The following MTUS2 variants were observed in gnomAD, a reference collection of about 807,000 sequenced individuals.
MTUS2 encodes microtubule associated scaffold protein 2.
MTUS2 carries 40 observed loss-of-function variants against 114.1 expected under a neutral mutation model. That is an observed-to-expected ratio of 0.35 (90% CI 0.27 to 0.46). The LOEUF (loss-of-function observed/expected upper bound fraction) is 0.46, where lower values mean the gene tolerates loss of function less well. MTUS2 is among the 20% of genes least tolerant of loss of function. The probability of loss-of-function intolerance (pLI) is 1.00; values close to 1 mark genes in which losing one functional copy is unlikely to be tolerated. For missense variants in MTUS2, 1,679 were observed against 1,705.4 expected, an observed-to-expected ratio of 0.98 and a Z score of 0.27; for synonymous variants, 688 against 672.0, an observed-to-expected ratio of 1.02 and a Z score of -0.37.
intron 2 of MTUS2, among the ~76,000 whole-genome samples, chr13:28,957,530 G>A (rs1447900248): frequency 6.6e-6 from 1 of 152,116 alleles, no homozygotes; most frequent in African/African-American, 2.4e-5. Context: ...AAATAATACA[G>A]AATAACAACT....
intron 9 of MTUS2, among the ~76,000 whole-genome samples, chr13:29,448,836 C>T (rs1388855943): frequency 1.3e-5 from 2 of 149,952 alleles, no homozygotes; most frequent in African/African-American, 4.9e-5. Context: ...TCACTGCCAC[C>T]TCCGTCTCCC....
At chr13:29,247,468 C>A (rs1896967159) in intron 5 of MTUS2, among the ~76,000 whole-genome samples, 1 of 152,170 alleles carries the variant, frequency 6.6e-6, no homozygotes, top group African/African-American at 2.4e-5. Flanking sequence ...AGTAAACAGA[C>A]AACCCACAGA....
chr13:29,134,511 C>T (rs1221151267), intron 5 of MTUS2, among the ~76,000 whole-genome samples: 1 of 152,104 alleles, frequency 6.6e-6, no homozygotes, highest in Non-Finnish European at 1.5e-5. Flanking sequence ...TCTTCAGTTC[C>T]ATCAGTTTTT....
chr13:29,216,252 C>T (rs761713879), intron 5 of MTUS2, among the ~76,000 whole-genome samples: 4 of 152,154 alleles, frequency 2.6e-5, no homozygotes, highest in East Asian at 1.9e-4. Context: ...TGTCCCAGGT[C>T]GATTCAGAGT....
chr13:29,010,374 G>A (rs1394244603), intron 2 of MTUS2, among the ~76,000 whole-genome samples: 1 of 151,876 alleles, frequency 6.6e-6, no homozygotes, highest in Non-Finnish European at 1.5e-5. Context: ...AGCCTCCTTG[G>A]AACCAAAATC....
At chr13:29,358,408 G>A (rs772678986) in intron 7 of MTUS2, among the ~76,000 whole-genome samples, 22 of 152,160 alleles carry the variant, frequency 1.4e-4, no homozygotes, top group South Asian at 1.2e-3. Flanking sequence ...TCCTTGCCCC[G>A]TCTTCTGTGG....
At chr13:29,220,151 ATGACCAGC>A (rs1386658340) in intron 5 of MTUS2, among the ~76,000 whole-genome samples, 1 of 151,996 alleles carries the variant, frequency 6.6e-6, no homozygotes, top group African/African-American at 2.4e-5. Context: ...ACCCGCCACC[ATGACCAGC>A]TGACTTTTTT....
chr13:28,854,548 C>CT (rs1389622688), intron 2 of MTUS2, among the ~76,000 whole-genome samples: 1 of 152,168 alleles, frequency 6.6e-6, no homozygotes, highest in Non-Finnish European at 1.5e-5. Context: ...AGGGATAGCT[C>CT]TTCTCTATCT....
rs918495824 is a variant in MTUS2 at position 29,062,597 on chromosome 13, A to C, written c.2446+28472A>C. ...AGACCTGGTTTGATATGTAAATTAC[A>C]CTCCATTTTTTTTTCAGTTCTCAGA... On this transcript the variant is annotated intron_variant, in intron 4 of 15. Coordinates refer to ENST00000612955, the MANE Select transcript of MTUS2 (RefSeq NM_001033602.4). Among the ~76,000 whole-genome samples, 38 of 151,658 alleles carry C rather than the reference A, an allele frequency of 2.5e-4. 1 individual carries two copies. The highest frequency in any genetic ancestry group is 9.2e-4 in the African/African-American group (38 of 41,270).
intron 3 of MTUS2, among the ~76,000 whole-genome samples, chr13:29,028,385 A>T (rs1006963638): frequency 2.6e-5 from 4 of 152,096 alleles, no homozygotes; most frequent in Admixed American, 6.5e-5. Context: ...CCTGTCTCTA[A>T]CACCTTCCAG....
At chr13:28,950,350 C>T (rs1226049034) in intron 2 of MTUS2, among the ~76,000 whole-genome samples, 2 of 152,170 alleles carry the variant, frequency 1.3e-5, no homozygotes, top group South Asian at 2.1e-4. Flanking sequence ...GGGTATTAAT[C>T]GTTTGTCAGA....
intron 5 of MTUS2, among the ~76,000 whole-genome samples, chr13:29,157,103 AC>A (rs771720773): frequency 2.1e-4 from 32 of 152,170 alleles, no homozygotes; most frequent in Middle Eastern, 3.2e-3. Context: ...AAACTCCATT[AC>A]ATGCATTCTC....
chr13:29,026,364 C>T lies in MTUS2; in HGVS notation c.1666C>T (p.Gln556Ter). 1 of 1,613,964 alleles carries T rather than the reference C, an allele frequency of 6.2e-7. No individual in the cohort carries two copies. Among genetic ancestry groups the T allele is most frequent in the Non-Finnish European group, 8.5e-7 (1 of 1,179,878 alleles). ...GCCTACAACACCCAGTAGCAGTTTT[C>T]AGGATGTTAGCGTGTTCGGTATGGA... Reference protein sequence around the residue: ...YQPTTPSSSFQDVSVFGMDAG... With the variant: ...YQPTTPSSSF The change falls in exon 3 of 16, where the codon CAG becomes TAG. Residue 556 changes from glutamine to a stop codon, truncating the protein, a stop_gained. Coordinates refer to ENST00000612955, the MANE Select transcript of MTUS2 (RefSeq NM_001033602.4). LOFTEE classifies it high-confidence loss of function.
intron 8 of MTUS2, among the ~76,000 whole-genome samples, chr13:29,382,614 A>C (rs1872301090): frequency 6.6e-6 from 1 of 152,210 alleles, no homozygotes; most frequent in African/African-American, 2.4e-5. Context: ...GAAGGTGTTA[A>C]GTAGGCCAAA....
intron 5 of MTUS2, among the ~76,000 whole-genome samples, chr13:29,111,920 A>G (rs928130490): frequency 1.3e-5 from 2 of 152,182 alleles, no homozygotes; most frequent in African/African-American, 4.8e-5. Context: ...AGAAAGTGCC[A>G]TTCCACACTG....
intron 2 of MTUS2, among the ~76,000 whole-genome samples, chr13:28,994,655 T>C (rs1045388297): frequency 1.1e-4 from 16 of 152,258 alleles, no homozygotes; most frequent in African/African-American, 3.6e-4. Flanking sequence ...TGGCCAGTGA[T>C]GGTGAACGTT....
At chr13:29,310,296 A>G (rs1248017630) in intron 6 of MTUS2, among the ~76,000 whole-genome samples, 2 of 152,222 alleles carry the variant, frequency 1.3e-5, no homozygotes, top group Non-Finnish European at 2.9e-5. Context: ...AGTAAAGCTG[A>G]ATGTCTGGGC....
At chr13:28,884,003 TA>T (rs1329996063) in intron 2 of MTUS2, among the ~76,000 whole-genome samples, 1 of 152,146 alleles carries the variant, frequency 6.6e-6, no homozygotes, top group African/African-American at 2.4e-5. Flanking sequence ...AAATTAGAAA[TA>T]GCTGCTATAT....
chr13:29,491,315 TATG>T (rs1317124039), intron 11 of MTUS2, among the ~76,000 whole-genome samples: 2 of 149,442 alleles, frequency 1.3e-5, no homozygotes, highest in Non-Finnish European at 3.0e-5. Context: ...CGTGGCAGGT[TATG>T]AGGGTGTGAT....
Sources: allele counts gnomAD v4.1 joint callset (sites outside exome capture counted in the v4.1 genomes callset), GRCh38; gene constraint gnomAD v4.1.1; transcripts MANE v1.5; gene names NCBI Gene and HGNC (gene_info 2026-07-23, HGNC 2026-07-21).